The following CDX2 variants were observed in gnomAD, a reference collection of about 807,000 sequenced individuals.
CDX2 encodes homeobox protein CDX-2.
In CDX2, 7 loss-of-function variants were observed where a neutral mutation model predicts 25.5. The observed-to-expected ratio is 0.27, with a 90% CI of 0.16 to 0.52. CDX2 has a LOEUF of 0.52. Among genes scored for constraint, CDX2 ranks in the 20% least tolerant of loss-of-function variants. The pLI is 0.97. For missense variants in CDX2, 375 were observed against 431.4 expected (o/e 0.87, Z 1.16); for synonymous variants, 222 against 198.6 (o/e 1.12, Z -0.99).
At chr13:27,965,816 G>A (rs1469419499) in intron 1 of CDX2, among the ~76,000 whole-genome samples, 1 of 152,214 alleles carries the variant, frequency 6.6e-6, no homozygotes, top group Non-Finnish European at 1.5e-5. Flanking sequence ...TGTTGGAGCA[G>A]GCCCGAGCCT....
In CDX2 at chr13:27,968,583, G is replaced by C; in HGVS notation, c.424C>G (p.Pro142Ala). The change falls in exon 1 of 3, where the codon CCC becomes GCC. Residue 142 changes from proline to alanine, a missense_variant. By Grantham distance (27) the Pro-to-Ala change is conservative. This residue lies in a region of CDX2 where 253 missense variants were observed against 247.5 expected (regional missense o/e 1.02). Coordinates refer to ENST00000381020, the MANE Select transcript of CDX2 (RefSeq NM_001265.6). ...GTGGCGGCGGGCCCAGGAGGGCCGGGGTTGAGCGTTTGCAGCAGCCCAGAA... is the reference window on the plus strand; with the variant it reads ...GTGGCGGCGGGCCCAGGAGGGCCGGCGTTGAGCGTTTGCAGCAGCCCAGAA... ...CASGLLQTLN[P>A]GPPGPAATAA... 6.4e-7 allele frequency: 1 copy of C among 1,573,064 alleles called. No individual in the cohort carries two copies. Among genetic ancestry groups the C allele is most frequent in the Non-Finnish European group, 8.6e-7 (1 of 1,168,490 alleles).
intron 2 of CDX2, among the ~76,000 whole-genome samples, chr13:27,963,588 T>C (rs1419646094): frequency 6.6e-6 from 1 of 152,204 alleles, no homozygotes; most frequent in African/African-American, 2.4e-5. Flanking sequence ...CCTTGCTCCC[T>C]GAGTTTCTTT....
rs1869214216 is a variant in CDX2, at chr13:27,964,532, C to T, written c.687+338G>A. On this transcript the variant is annotated intron_variant, in intron 2 of 2. Coordinates refer to ENST00000381020, the MANE Select transcript of CDX2 (RefSeq NM_001265.6). This position sits in a 1 kb window ranked among gnomAD's most constrained non-coding sequence, Gnocchi z 4.7. The stretch of plus-strand genomic sequence containing the variant: ...ACCAACCTGGGTAAGACAGTGAGAC[C>T]ATCTCTGCAAAAAATTTAAACATTA... 6.6e-6 allele frequency among the ~76,000 whole-genome samples: 1 copy of T among 151,798 alleles called. No individual in the cohort carries two copies. The highest frequency in any genetic ancestry group is 1.9e-4 in the East Asian group (1 of 5,172).
Position 27,964,892 on chromosome 13 carries a change from G to A in CDX2, c.665C>T (p.Thr222Met), listed in dbSNP as rs564888160. The change falls in exon 2 of 3, where the codon ACG becomes ATG. Residue 222 changes from threonine (T) to methionine (M), a missense_variant. Thr to Met is a moderately conservative substitution (Grantham distance 81). Coordinates refer to ENST00000381020, the MANE Select transcript of CDX2 (RefSeq NM_001265.6). This position sits in a 1 kb window ranked among gnomAD's most constrained non-coding sequence, Gnocchi z 4.7. ...CACCTGCCTCTCAGAGAGCCCCAGCGTGGCGGCTAGCTCGGCTTTCCTCCG... is the reference window on the plus strand; with the variant it reads ...CACCTGCCTCTCAGAGAGCCCCAGCATGGCGGCTAGCTCGGCTTTCCTCCG... ...TIRRKAELAA[T>M]LGLSERQVKI... 3.6e-5 allele frequency: 58 copies of A among 1,614,038 alleles called. No individual in the cohort carries two copies. The Middle Eastern group carries it at 5.0e-4, about 14-fold the overall frequency.
chr13:27,965,459 G>A (rs747065072), intron 1 of CDX2, among the ~76,000 whole-genome samples: 7 of 152,136 alleles, frequency 4.6e-5, no homozygotes, highest in East Asian at 3.9e-4. Flanking sequence ...TGTTGTAGAG[G>A]GGGTGTGGGG....
rs1869473671 is a variant in CDX2 at position 27,968,707 on chromosome 13, G to T, written c.300C>A (p.Ser100=). ...TGCTGTAGCCCATGGCTGCGGCCGG[G>T]GAGCCACCGTTGAGGCCGTGAGCCA... ...NAVAHGLNGG[S]PAAAMGYSSP... The change falls in exon 1 of 3, where the codon TCC becomes TCA. Residue 100 remains serine (S), a synonymous_variant. Coordinates refer to ENST00000381020, the MANE Select transcript of CDX2 (RefSeq NM_001265.6). 6.5e-7 allele frequency: 1 copy of T among 1,530,910 alleles called. No homozygotes were observed. 94.8% of individuals were successfully genotyped at this position (1,530,910 alleles called of 1,614,324 possible). A position where few individuals can be genotyped will look rare whatever the true frequency, so the allele number is the denominator to read the frequency against.
chr13:27,965,057 G>C (rs1460956959), intron 1 of CDX2, 42 bp from the exon 2 acceptor site: 2 of 1,599,418 alleles, frequency 1.3e-6, no homozygotes, highest in African/African-American at 2.7e-5. Context: ...CTGCAAGGCA[G>C]CCCATCAGTC....
At position 27,968,739 on chromosome 13, in the gene CDX2, T is replaced by C. The variant is rs1566038344; in HGVS notation, c.268A>G (p.Asn90Asp). 6.6e-7 allele frequency: 1 copy of C among 1,510,106 alleles called. No homozygotes were observed. Among genetic ancestry groups the C allele is most frequent in the Admixed American group, 2.2e-5 (1 of 46,348 alleles). 93.5% of individuals were successfully genotyped at this position (1,510,106 alleles called of 1,614,324 possible). Residue 90 changes from asparagine to aspartate, a missense_variant, in exon 1 of 3, where the codon AAC (asparagine) becomes GAC (aspartate). By Grantham distance (23) the Asn-to-Asp change is conservative (BLOSUM62 1). This residue lies in a region of CDX2 where 253 missense variants were observed against 247.5 expected (regional missense o/e 1.02). Coordinates refer to ENST00000381020, the MANE Select transcript of CDX2 (RefSeq NM_001265.6). ...YAPGGAAAAA[N>D]AVAHGLNGGS... ...CCGTTGAGGCCGTGAGCCACGGCGT[T>C]GGCGGCGGCCGCGGCGCCTCCGGGC...
chr13:27,966,261 A>G (rs1442824217), intron 1 of CDX2, among the ~76,000 whole-genome samples: 1 of 152,232 alleles, frequency 6.6e-6, no homozygotes. Flanking sequence ...GCGCATTAAC[A>G]TAAACACGAC....
At position 27,964,844 on chromosome 13, in the gene CDX2, C is replaced by G; in HGVS notation, c.687+26G>C. The stretch of plus-strand genomic sequence containing the variant: ...TGGTCCTCTGCCAGGCAGTGGCCCG[C>G]CCGGAGGGAGCTAGGCGGTCCCCAC... On this transcript the variant is annotated intron_variant, in intron 2 of 2. Coordinates refer to ENST00000381020, the MANE Select transcript of CDX2 (RefSeq NM_001265.6). The surrounding 1 kb of genome is among the most constrained non-coding windows in gnomAD (Gnocchi z 4.7). 1 of 1,612,380 alleles carries G rather than the reference C, an allele frequency of 6.2e-7. No individual in the cohort carries two copies.
rs1035035267 is a variant in CDX2, at chr13:27,964,412, T to TG, written c.687+457dup. On this transcript the variant is annotated intron_variant, in intron 2 of 2. Transcript: ENST00000381020. This position sits in a 1 kb window ranked among gnomAD's most constrained non-coding sequence, Gnocchi z 4.7. ...GAAACTGCGTTTCGACGGTGGCGGG[T>TG]GGGGGGGCATGTACTCCAGGCCAGG... Among the ~76,000 whole-genome samples, 18 of 150,766 alleles carry TG rather than the reference T, an allele frequency of 1.2e-4. No individual in the cohort carries two copies. Among genetic ancestry groups the TG allele is most frequent in the African/African-American group, 4.2e-4 (17 of 40,882 alleles).
At position 27,969,001 on chromosome 13, in the gene CDX2, G is replaced by T. The variant is rs1437661942; in HGVS notation, c.6C>A (p.Tyr2Ter). ...CGTCCTTGTCCAGGAGGTAGCTCACGTACATGGTGGCGAGGGTCCGGGAGC... is the reference window on the plus strand; with the variant it reads ...CGTCCTTGTCCAGGAGGTAGCTCACTTACATGGTGGCGAGGGTCCGGGAGC... The part of the protein sequence containing the change: M[Y>*]VSYLLDKDVS... The change falls in exon 1 of 3, where the codon TAC (tyrosine) becomes TAA (stop). Residue 2 changes from tyrosine to a stop codon, truncating the protein, a stop_gained. Coordinates refer to ENST00000381020, the MANE Select transcript of CDX2 (RefSeq NM_001265.6). LOFTEE classifies it high-confidence loss of function. The T allele has an allele frequency of 6.3e-7, 1 of 1,595,852 alleles. No homozygotes were observed. Among genetic ancestry groups the T allele is most frequent in the South Asian group, 1.1e-5 (1 of 90,786 alleles).
At position 27,968,800 on chromosome 13, in the gene CDX2, A is replaced by G. The variant is rs202008570; in HGVS notation, c.207T>C (p.Tyr69=). Residue 69 remains tyrosine (Y), a synonymous_variant, in exon 1 of 3, where the codon TAT becomes TAC. Coordinates refer to ENST00000381020, the MANE Select transcript of CDX2 (RefSeq NM_001265.6). ...QSPGPSWPAA[Y]GAPLREDWNG... ...TCCAGTCCTCCCGGAGTGGGGCGCCATACGCTGCCGGCCAGGATGGCCCCG... is the reference window on the plus strand; with the variant it reads ...TCCAGTCCTCCCGGAGTGGGGCGCCGTACGCTGCCGGCCAGGATGGCCCCG... 1.1e-4 allele frequency: 163 copies of G among 1,530,984 alleles called. No individual in the cohort carries two copies. In the African/African-American group the frequency reaches 2.0e-3, roughly 19 times the overall value. The allele number at this position is 1,530,984 out of a possible 1,614,324, so 94.8% of individuals were successfully genotyped here.
At position 27,964,759 on chromosome 13, in the gene CDX2, T is replaced by A; in HGVS notation, c.687+111A>T. 1.6e-5 allele frequency: 11 copies of A among 683,894 alleles called. No homozygotes were observed. The highest frequency in any genetic ancestry group is 3.3e-5 in the East Asian group (1 of 30,688). 42.4% of individuals were successfully genotyped at this position (683,894 alleles called of 1,614,324 possible). On this transcript the variant is annotated intron_variant, in intron 2 of 2. Coordinates refer to ENST00000381020, the MANE Select transcript of CDX2 (RefSeq NM_001265.6). This position sits in a 1 kb window ranked among gnomAD's most constrained non-coding sequence, Gnocchi z 4.7. ...ACTCCAAAGACGAATGCTTGCATCC[T>A]CCTGCTTCAGTCTCTCCACAGATTT...
chr13:27,968,416 C>G (rs757724933), intron 1 of CDX2, 50 bp downstream of exon 1: 38 of 1,431,014 alleles, frequency 2.7e-5, no homozygotes, highest in Middle Eastern at 5.2e-4. Flanking sequence ...GCCACTGGCT[C>G]GACCCGCGCC....
At position 27,963,031 on chromosome 13, in the gene CDX2, G is replaced by A. The variant is rs762233902; in HGVS notation, c.*84C>T. ...GTCTATGGCTGTGGGTGGGAGGGGA[G>A]GGGTCTCTCCTGAGGAGTCTAGCAG... On this transcript the variant is annotated 3_prime_UTR_variant, in exon 3 of 3. Transcript: ENST00000381020. 6.2e-6 allele frequency: 9 copies of A among 1,461,288 alleles called. No homozygotes were observed. Among genetic ancestry groups the A allele is most frequent in the Non-Finnish European group, 8.2e-6 (9 of 1,103,656 alleles). 90.5% of individuals were successfully genotyped at this position (1,461,288 alleles called of 1,614,324 possible).
At position 27,968,736 on chromosome 13, in the gene CDX2, C is replaced by T; in HGVS notation, c.271G>A (p.Ala91Thr). Reference sequence around the variant, plus strand: ...CCACCGTTGAGGCCGTGAGCCACGGCGTTGGCGGCGGCCGCGGCGCCTCCG... The same window carrying T: ...CCACCGTTGAGGCCGTGAGCCACGGTGTTGGCGGCGGCCGCGGCGCCTCCG... ...APGGAAAAAN[A>T]VAHGLNGGSP... The change falls in exon 1 of 3, where the codon GCC (alanine) becomes ACC (threonine). Residue 91 changes from alanine to threonine, a missense_variant. This residue lies in a region of CDX2 where 253 missense variants were observed against 247.5 expected (regional missense o/e 1.02). Transcript: ENST00000381020. 1 of 1,510,794 alleles carries T rather than the reference C, an allele frequency of 6.6e-7. No homozygotes were observed. Among genetic ancestry groups the T allele is most frequent in the Non-Finnish European group, 8.8e-7 (1 of 1,136,668 alleles). 93.6% of individuals were successfully genotyped at this position (1,510,794 alleles called of 1,614,324 possible).
chr13:27,968,585 T>C lies in CDX2; in HGVS notation c.422A>G (p.Asn141Ser). Reference protein sequence around the residue: ...SCASGLLQTLNPGPPGPAATA... With the variant: ...SCASGLLQTLSPGPPGPAATA... ...GGCGGCGGGCCCAGGAGGGCCGGGG[T>C]TGAGCGTTTGCAGCAGCCCAGAAGC... is the stretch of plus-strand genomic sequence containing the variant. The change falls in exon 1 of 3, where the codon AAC (asparagine) becomes AGC (serine). Residue 141 changes from asparagine to serine, a missense_variant. This residue lies in a region of CDX2 where 253 missense variants were observed against 247.5 expected (regional missense o/e 1.02). Coordinates refer to ENST00000381020, the MANE Select transcript of CDX2 (RefSeq NM_001265.6). The C allele has an allele frequency of 6.4e-7, 1 of 1,568,240 alleles. No homozygotes were observed. The highest frequency in any genetic ancestry group is 8.6e-7 in the Non-Finnish European group (1 of 1,166,730).
At chr13:27,965,968 T>C (rs1488526177) in intron 1 of CDX2, among the ~76,000 whole-genome samples, 1 of 152,204 alleles carries the variant, frequency 6.6e-6, no homozygotes. Flanking sequence ...CAGAAAGATC[T>C]GAAGGGCCTG....
Sources: allele counts gnomAD v4.1 joint callset (sites outside exome capture counted in the v4.1 genomes callset), GRCh38; gene constraint gnomAD v4.1.1; regional missense constraint gnomAD v4.1.1; non-coding constraint Gnocchi (gnomAD v3.1); transcripts MANE v1.5; gene names NCBI Gene and HGNC (gene_info 2026-07-23, HGNC 2026-07-21).